The following SEMA3E variants were observed in gnomAD, a reference collection of about 807,000 sequenced individuals.
The protein encoded by SEMA3E is semaphorin-3E.
A neutral mutation model predicts 93.6 loss-of-function variants in SEMA3E; 49 were observed. The observed-to-expected ratio is 0.52, with a 90% CI of 0.42 to 0.66. SEMA3E has a LOEUF of 0.66. Among genes scored for constraint, SEMA3E ranks in the 30% least tolerant of loss-of-function variants. The pLI is 0.00. For synonymous variants in SEMA3E, 363 were observed against 330.7 expected (o/e 1.10, Z -1.06); for missense variants, 906 against 964.8 (o/e 0.94, Z 0.81).
At chr7:83,429,798 G>A (rs935948221) in intron 4 of SEMA3E, among the ~76,000 whole-genome samples, 5 of 152,098 alleles carry the variant, frequency 3.3e-5, no homozygotes, top group African/African-American at 1.2e-4. Context: ...TTATTGGGAA[G>A]GGGAATTCCA....
At chr7:83,436,385 G>A (rs942860800) in intron 4 of SEMA3E, among the ~76,000 whole-genome samples, 1 of 151,450 alleles carries the variant, frequency 6.6e-6, no homozygotes, top group African/African-American at 2.4e-5. Flanking sequence ...TTTTTATAAA[G>A]AGAGTTAACT....
chr7:83,443,916 G>GATATATATATATATAT (rs60405752), intron 4 of SEMA3E, among the ~76,000 whole-genome samples: 31 of 147,440 alleles, frequency 2.1e-4, no homozygotes, highest in African/African-American at 7.4e-4. Context: ...ATAATGACCT[G>GATATATATATATATAT]ATATATATAT....
At chr7:83,554,764 C>G (rs950461847) in intron 1 of SEMA3E, among the ~76,000 whole-genome samples, 1 of 152,044 alleles carries the variant, frequency 6.6e-6, no homozygotes, top group Non-Finnish European at 1.5e-5. Context: ...ATCACGAGGT[C>G]AGGAGATGGA....
chr7:83,456,668 C>T (rs531346671), intron 4 of SEMA3E, among the ~76,000 whole-genome samples: 1 of 150,632 alleles, frequency 6.6e-6, no homozygotes, highest in African/African-American at 2.5e-5. Flanking sequence ...GGCCGGAGTG[C>T]AATAGTGAGA....
chr7:83,629,621 T>G (rs2115666666), intron 1 of SEMA3E, among the ~76,000 whole-genome samples: 1 of 152,228 alleles, frequency 6.6e-6, no homozygotes, highest in African/African-American at 2.4e-5. Flanking sequence ...CAAGCCTCAG[T>G]AATGGCAGAC....
Position 83,394,291 on chromosome 7 carries a change from A to G in SEMA3E, c.1500+6T>C, listed in dbSNP as rs751299105. On this transcript the variant is annotated splice_donor_region_variant and intron_variant, in intron 13 of 16. Transcript: ENST00000643230. Reference sequence around the variant, plus strand: ...ACACCTACACACACACACACACAGAACTTACCCGCTTTGAAGAAATCTCCA... The same window carrying G: ...ACACCTACACACACACACACACAGAGCTTACCCGCTTTGAAGAAATCTCCA... The G allele has an allele frequency of 3.1e-6, 5 of 1,611,480 alleles. No homozygotes were observed. The highest frequency in any genetic ancestry group is 4.5e-5 in the East Asian group (2 of 44,742).
At chr7:83,579,702 A>G (rs180844662) in intron 1 of SEMA3E, among the ~76,000 whole-genome samples, 53 of 152,258 alleles carry the variant, frequency 3.5e-4, no homozygotes, top group Admixed American at 1.2e-3. Flanking sequence ...CAAATTTTTA[A>G]TTTGACAATT....
intron 1 of SEMA3E, among the ~76,000 whole-genome samples, chr7:83,491,707 T>G (rs1790388029): frequency 6.6e-6 from 1 of 152,042 alleles, no homozygotes; most frequent in African/African-American, 2.4e-5. Context: ...AGCTTGAAAC[T>G]TCTGACATAG....
chr7:83,435,594 C>CA lies in SEMA3E; in HGVS notation c.457-17112dup, dbSNP rs199592504. Among the ~76,000 whole-genome samples the CA allele has an allele frequency of 6.7e-3, 1,001 of 149,738 alleles. 4 individuals carry two copies. The highest frequency in any genetic ancestry group is 0.01 in the Non-Finnish European group (699 of 67,458). ...GTGGGAGACAGAGCGAACCTCCGTC[C>CA]AAAAAAAATAAAATAAATAAAGAAA... On this transcript the variant is annotated intron_variant, in intron 4 of 16. Coordinates refer to ENST00000643230, the MANE Select transcript of SEMA3E (RefSeq NM_012431.3).
intron 2 of SEMA3E, among the ~76,000 whole-genome samples, chr7:83,469,552 G>A (rs924089609): frequency 1.3e-5 from 2 of 151,476 alleles, no homozygotes; most frequent in Non-Finnish European, 2.9e-5. Flanking sequence ...TTCAAGTCTT[G>A]GCCCTTCAGA....
intron 1 of SEMA3E, among the ~76,000 whole-genome samples, chr7:83,619,034 T>C (rs1227418556): frequency 6.6e-6 from 1 of 151,880 alleles, no homozygotes; most frequent in Non-Finnish European, 1.5e-5. Context: ...ATTAGAAAAC[T>C]GTCTTTTAGA....
At chr7:83,533,308 A>C (rs1791342907) in intron 1 of SEMA3E, among the ~76,000 whole-genome samples, 1 of 152,092 alleles carries the variant, frequency 6.6e-6, no homozygotes. Flanking sequence ...TTGGGAGGCC[A>C]AGGTGGGCAG....
intron 4 of SEMA3E, among the ~76,000 whole-genome samples, chr7:83,445,935 G>A (rs1466067698): frequency 6.6e-6 from 1 of 152,096 alleles, no homozygotes; most frequent in Non-Finnish European, 1.5e-5. Flanking sequence ...AAAGGTGAAG[G>A]CAGCATTGGA....
intron 1 of SEMA3E, among the ~76,000 whole-genome samples, chr7:83,516,964 T>TATATATATAA (rs767562960): frequency 6.7e-6 from 1 of 150,186 alleles, no homozygotes; most frequent in Non-Finnish European, 1.5e-5. Flanking sequence ...TATATGTATA[T>TATATATATAA]AAAATATAGA....
chr7:83,480,180 C>T (rs1409055074), intron 2 of SEMA3E, among the ~76,000 whole-genome samples: 1 of 152,160 alleles, frequency 6.6e-6, no homozygotes, highest in African/African-American at 2.4e-5. Context: ...GTGGCTCACG[C>T]CTGTAATCCT....
intron 1 of SEMA3E, among the ~76,000 whole-genome samples, chr7:83,616,225 T>A (rs1173695162): frequency 1.3e-5 from 2 of 152,180 alleles, no homozygotes; most frequent in African/African-American, 4.8e-5. Flanking sequence ...ACTGTGGTAG[T>A]AATTATGGTA....
At chr7:83,630,395 C>T (rs2115670051) in intron 1 of SEMA3E, among the ~76,000 whole-genome samples, 2 of 152,258 alleles carry the variant, frequency 1.3e-5, no homozygotes, top group East Asian at 3.9e-4. Flanking sequence ...GGCCCTATCA[C>T]TTTAATTAAT....
chr7:83,545,617 T>C (rs1791631872), intron 1 of SEMA3E, among the ~76,000 whole-genome samples: 1 of 147,848 alleles, frequency 6.8e-6, no homozygotes, highest in Non-Finnish European at 1.5e-5. Flanking sequence ...ACTAGGGAAA[T>C]GCTGTGCAGT....
intron 1 of SEMA3E, among the ~76,000 whole-genome samples, chr7:83,609,878 C>G (rs1793211177): frequency 6.6e-6 from 1 of 151,780 alleles, no homozygotes; most frequent in African/African-American, 2.4e-5. Context: ...TTAAACCTTA[C>G]ATTTATAAAA....
Sources: allele counts gnomAD v4.1 joint callset (sites outside exome capture counted in the v4.1 genomes callset), GRCh38; gene constraint gnomAD v4.1.1; transcripts MANE v1.5; gene names NCBI Gene and HGNC (gene_info 2026-07-23, HGNC 2026-07-21).